PSEN1: variants seen among roughly 807,000 people sequenced by gnomAD.
PSEN1 encodes presenilin-1.
Under a neutral mutation model 53.5 loss-of-function variants are expected in PSEN1, and 15 were observed. The observed-to-expected ratio is 0.28, with a 90% CI of 0.19 to 0.43. The LOEUF is 0.43. PSEN1 is among the 20% of genes least tolerant of loss of function. The pLI, the probability that PSEN1 is intolerant of heterozygous loss-of-function variation, is 1.00. For synonymous variants in PSEN1, 208 were observed against 209.8 expected (o/e 0.99, Z 0.08); for missense variants, 387 against 571.2 (o/e 0.68, Z 3.29).
rs1444853955 is a variant in PSEN1 at position 73,184,017 on chromosome 14, C to G, written c.481-2836C>G. On this transcript the variant is annotated intron_variant, in intron 5 of 11. Coordinates refer to ENST00000324501, the MANE Select transcript of PSEN1 (RefSeq NM_000021.4). ...TAGGAGCGGCCGGGCAGAGGCGCCCCTCACCTCCCGGACGGGGCGGCTGGC... is the reference window on the plus strand; with the variant it reads ...TAGGAGCGGCCGGGCAGAGGCGCCCGTCACCTCCCGGACGGGGCGGCTGGC... Among the ~76,000 whole-genome samples the G allele has an allele frequency of 1.0e-2, 1,318 of 131,946 alleles. 13 individuals are homozygous for G. Among genetic ancestry groups the G allele is most frequent in the Middle Eastern group, 0.047 (11 of 236 alleles). The allele number at this position is 131,946 out of a possible 152,430, so 86.6% of individuals were successfully genotyped here. A position where few individuals can be genotyped will look rare whatever the true frequency, so the allele number is the denominator to read the frequency against.
intron 1 of PSEN1, among the ~76,000 whole-genome samples, chr14:73,143,095 G>T (rs549421462): frequency 4.2e-4 from 64 of 152,278 alleles, no homozygotes; most frequent in African/African-American, 1.3e-3. Context: ...CTTTTGCCAC[G>T]CTGCCTGAAC....
intron 3 of PSEN1, chr14:73,159,987 T>A: frequency 4.9e-6 from 1 of 205,980 alleles, no homozygotes; most frequent in Non-Finnish European, 1.1e-5. Context: ...CATGCCTCGC[T>A]AATTTTTTAA....
chr14:73,173,926 G>A (rs1237022093), intron 5 of PSEN1: 3 of 651,668 alleles, frequency 4.6e-6, no homozygotes, highest in Non-Finnish European at 8.2e-6. Context: ...GAGGCAGGAG[G>A]ATCACTTGGG....
chr14:73,153,714 C>CT (rs773862128), intron 3 of PSEN1, among the ~76,000 whole-genome samples: 19,447 of 129,960 alleles, frequency 0.15, 1,543 homozygotes, highest in South Asian at 0.24. Context: ...ATTTTCTTTC[C>CT]TTTTTTTTTT....
intron 3 of PSEN1, 91 bp from the exon 4 acceptor site, chr14:73,170,706 G>A: frequency 3.6e-6 from 5 of 1,370,962 alleles, no homozygotes; most frequent in Non-Finnish European, 5.1e-6. Flanking sequence ...AGAACTCATA[G>A]TGACGGGTCT....
intron 5 of PSEN1, 110 bp from the exon 6 acceptor site, chr14:73,186,743 C>A: frequency 1.1e-6 from 1 of 896,318 alleles, no homozygotes; most frequent in Non-Finnish European, 1.9e-6. Context: ...TGCCACTGCA[C>A]TCCAGTCTGG....
chr14:73,173,140 A>T (rs1302826337), intron 4 of PSEN1, among the ~76,000 whole-genome samples: 1 of 152,158 alleles, frequency 6.6e-6, no homozygotes, highest in Non-Finnish European at 1.5e-5. Context: ...TCCAGTTGCA[A>T]TTACTCTGCA....
intron 1 of PSEN1, among the ~76,000 whole-genome samples, chr14:73,140,431 G>C (rs539401985): frequency 4.6e-5 from 7 of 151,666 alleles, no homozygotes; most frequent in Non-Finnish European, 1.0e-4. Context: ...GGCTGGTCTC[G>C]AACTCCTGAC....
intron 5 of PSEN1, among the ~76,000 whole-genome samples, chr14:73,183,765 C>T (rs1898310677): frequency 6.6e-6 from 1 of 151,786 alleles, no homozygotes; most frequent in African/African-American, 2.4e-5. Flanking sequence ...CTTTCTATTC[C>T]ACAAAGCCGC....
intron 5 of PSEN1, among the ~76,000 whole-genome samples, chr14:73,185,958 GAT>G (rs1898493648): frequency 6.6e-6 from 1 of 152,204 alleles, no homozygotes; most frequent in East Asian, 1.9e-4. Flanking sequence ...GACTCTAGGT[GAT>G]ATATGGGTGT....
At position 73,206,462 on chromosome 14, in the gene PSEN1, T is replaced by C; in HGVS notation, c.945T>C (p.Tyr315=). The C allele has an allele frequency of 6.2e-7, 1 of 1,612,512 alleles. No individual in the cohort carries two copies. The highest frequency in any genetic ancestry group is 1.1e-5 in the South Asian group (1 of 91,050). Residue 315 remains tyrosine, a synonymous_variant, in exon 9 of 12, where the codon TAT becomes TAC. Transcript: ENST00000324501. ...GGAGAGTATCCAAAAATTCCAAGTATAATGCAGAAAGTAGGTAACTTTTAT... is the reference window on the plus strand; with the variant it reads ...GGAGAGTATCCAAAAATTCCAAGTACAATGCAGAAAGTAGGTAACTTTTAT... ...AQRRVSKNSK[Y]NAESTERESQ...
At chr14:73,175,195 T>C (rs1165920694) in intron 5 of PSEN1, among the ~76,000 whole-genome samples, 1 of 152,174 alleles carries the variant, frequency 6.6e-6, no homozygotes, top group Non-Finnish European at 1.5e-5. Context: ...AGCGCGATCT[T>C]GGCTCACTGC....
chr14:73,162,338 A>G (rs1897572210), intron 3 of PSEN1, among the ~76,000 whole-genome samples: 1 of 152,022 alleles, frequency 6.6e-6, no homozygotes, highest in South Asian at 2.1e-4. Context: ...GGTGTTAGCA[A>G]CAGTGTGGTA....
At chr14:73,204,103 A>G (rs1482448955) in intron 8 of PSEN1, among the ~76,000 whole-genome samples, 1 of 152,116 alleles carries the variant, frequency 6.6e-6, no homozygotes, top group Non-Finnish European at 1.5e-5. Context: ...GATTCAAGCA[A>G]TTCTCCTGCC....
chr14:73,149,517 T>G (rs919733041), intron 3 of PSEN1, among the ~76,000 whole-genome samples: 3 of 152,172 alleles, frequency 2.0e-5, no homozygotes, highest in Non-Finnish European at 4.4e-5. Context: ...TCTGAAGATT[T>G]AGGATTCTTC....
intron 6 of PSEN1, among the ~76,000 whole-genome samples, chr14:73,188,040 T>C (rs1898578941): frequency 6.6e-6 from 1 of 152,120 alleles, no homozygotes; most frequent in Non-Finnish European, 1.5e-5. Context: ...GCGATTCTCC[T>C]GCCTCAGCCC....
chr14:73,163,672 C>CAGAGA (rs1364969419), intron 3 of PSEN1, among the ~76,000 whole-genome samples: 3 of 152,158 alleles, frequency 2.0e-5, no homozygotes, highest in African/African-American at 7.2e-5. Flanking sequence ...AGGAAATTCT[C>CAGAGA]TCTCTACCAG....
At chr14:73,212,142 C>T (rs369020581) in intron 10 of PSEN1, among the ~76,000 whole-genome samples, 200 bp downstream of exon 10, 42 of 90,274 alleles carry the variant, frequency 4.7e-4, no homozygotes, top group East Asian at 2.9e-3. Flanking sequence ...GACAGAGTCT[C>T]GCTCTGTCGC....
chr14:73,183,876 G>A (rs1478450544), intron 5 of PSEN1, among the ~76,000 whole-genome samples: 12 of 150,866 alleles, frequency 8.0e-5, no homozygotes, highest in South Asian at 2.1e-4. Context: ...AGGGGCGGCC[G>A]GGCAGAGGTG....
Sources: gnomAD v4.1 joint callset for allele counts (sites outside exome capture counted in the v4.1 genomes callset) on GRCh38, gnomAD v4.1.1 for gene constraint, MANE v1.5 for transcripts, NCBI Gene and HGNC (gene_info 2026-07-23, HGNC 2026-07-21) for gene names.